The following CTNNA2 variants were observed in gnomAD, a reference collection of about 807,000 sequenced individuals.
CTNNA2 encodes catenin alpha-2.
In CTNNA2, 42 loss-of-function variants were observed where a neutral mutation model predicts 101.0. The observed-to-expected ratio is 0.42, with a 90% CI of 0.32 to 0.54. The LOEUF is 0.54. Among genes scored for constraint, CTNNA2 ranks in the 20% least tolerant of loss-of-function variants. The probability of loss-of-function intolerance (pLI) is 0.14; values close to 1 mark genes in which losing one functional copy is unlikely to be tolerated. For missense variants in CTNNA2, 871 were observed against 1,223.1 expected (o/e 0.71, Z 4.29); for synonymous variants, 450 against 456.4 (o/e 0.99, Z 0.18).
At chr2:80,015,120 G>C (rs1437098944) in intron 7 of CTNNA2, among the ~76,000 whole-genome samples, 1 of 152,118 alleles carries the variant, frequency 6.6e-6, no homozygotes, top group Non-Finnish European at 1.5e-5. Context: ...CATGCTTTCT[G>C]GCTGGTTTAT....
intron 7 of CTNNA2, among the ~76,000 whole-genome samples, chr2:80,370,182 G>A (rs1167451525): frequency 1.3e-5 from 2 of 152,040 alleles, no homozygotes; most frequent in African/African-American, 4.8e-5. Context: ...GAGTGAAAGA[G>A]GTAGGAGAAC....
chr2:80,041,515 A>G (rs1490934720), intron 7 of CTNNA2, among the ~76,000 whole-genome samples: 1 of 152,288 alleles, frequency 6.6e-6, no homozygotes, highest in East Asian at 1.9e-4. Context: ...CTGCTTGTAT[A>G]TAAAGACACT....
chr2:80,332,830 T>C (rs1671451629), intron 7 of CTNNA2, among the ~76,000 whole-genome samples: 2 of 152,180 alleles, frequency 1.3e-5, no homozygotes, highest in South Asian at 4.1e-4. Context: ...ATGAATATAC[T>C]GGTCCAGGGT....
intron 7 of CTNNA2, among the ~76,000 whole-genome samples, chr2:80,089,896 G>T (rs962984462): frequency 2.1e-4 from 32 of 151,992 alleles, no homozygotes; most frequent in Admixed American, 1.1e-3. Context: ...CCAAGCTGGA[G>T]GACTTTCATT....
intron 7 of CTNNA2, among the ~76,000 whole-genome samples, chr2:80,352,218 G>A (rs1053196848): frequency 5.9e-5 from 9 of 152,076 alleles, no homozygotes; most frequent in Non-Finnish European, 1.0e-4. Context: ...AGTAAGTCAA[G>A]GCTGAGCTAA....
intron 7 of CTNNA2, among the ~76,000 whole-genome samples, chr2:80,273,803 C>T (rs563647274): frequency 6.6e-6 from 1 of 152,014 alleles, no homozygotes; most frequent in Non-Finnish European, 1.5e-5. Context: ...CAATTGCAGT[C>T]CTCCTCTACT....
intron 1 of CTNNA2, among the ~76,000 whole-genome samples, chr2:79,188,047 G>C (rs1430926515): frequency 6.6e-6 from 1 of 152,134 alleles, no homozygotes; most frequent in Non-Finnish European, 1.5e-5. Flanking sequence ...GAGTCCAAAA[G>C]AGATTTTAAA....
At chr2:79,217,016 G>T (rs1283706440) in intron 2 of CTNNA2, among the ~76,000 whole-genome samples, 2 of 152,270 alleles carry the variant, frequency 1.3e-5, no homozygotes, top group East Asian at 1.9e-4. Flanking sequence ...TGGATAAAAC[G>T]TGTCTCCTTT....
At chr2:79,425,113 TA>T (rs1282471544) in intron 4 of CTNNA2, among the ~76,000 whole-genome samples, 6 of 152,016 alleles carry the variant, frequency 3.9e-5, no homozygotes, top group African/African-American at 9.7e-5. Flanking sequence ...GTAAAGGCAA[TA>T]AAAAATCCTG....
chr2:80,430,254 T>C (rs1023557588), intron 9 of CTNNA2, among the ~76,000 whole-genome samples: 11 of 152,196 alleles, frequency 7.2e-5, no homozygotes, highest in Non-Finnish European at 1.6e-4. Context: ...TTAACTATGT[T>C]GTCCCTACCT....
intron 6 of CTNNA2, among the ~76,000 whole-genome samples, chr2:79,900,225 A>C (rs1684985645): frequency 6.6e-6 from 1 of 152,062 alleles, no homozygotes; most frequent in Non-Finnish European, 1.5e-5. Context: ...TAGGCATTTT[A>C]ATGGGAAACT....
At chr2:79,957,570 C>A (rs2104517309) in intron 7 of CTNNA2, among the ~76,000 whole-genome samples, 1 of 152,284 alleles carries the variant, frequency 6.6e-6, no homozygotes, top group East Asian at 1.9e-4. Flanking sequence ...CTCTTCAGGG[C>A]CAGGAGTAAT....
intron 7 of CTNNA2, among the ~76,000 whole-genome samples, chr2:80,021,091 C>T (rs1016077958): frequency 2.1e-5 from 3 of 144,456 alleles, no homozygotes; most frequent in Non-Finnish European, 4.5e-5. Flanking sequence ...ATGATCGTGG[C>T]TCACTGCAAC....
chr2:79,351,679 G>C (rs1168106083), intron 3 of CTNNA2, among the ~76,000 whole-genome samples: 5 of 152,166 alleles, frequency 3.3e-5, no homozygotes, highest in Middle Eastern at 3.4e-3. Flanking sequence ...CTTGAGAACA[G>C]GTGGTATTTG....
At chr2:79,272,464 A>G (rs1358630569) in intron 2 of CTNNA2, among the ~76,000 whole-genome samples, 6 of 152,118 alleles carry the variant, frequency 3.9e-5, no homozygotes, top group Admixed American at 3.3e-4. Context: ...TTCCTAGCTT[A>G]GATTGTCTTC....
At chr2:80,013,516 C>T (rs957101374) in intron 7 of CTNNA2, among the ~76,000 whole-genome samples, 6 of 152,182 alleles carry the variant, frequency 3.9e-5, no homozygotes, top group African/African-American at 1.4e-4. Context: ...TGAACTTACA[C>T]TAACCTGCTT....
intron 7 of CTNNA2, among the ~76,000 whole-genome samples, chr2:80,134,318 A>G (rs1051690420): frequency 1.3e-5 from 2 of 152,068 alleles, no homozygotes; most frequent in African/African-American, 4.8e-5. Flanking sequence ...TGGAGGGAGG[A>G]GGCAGGGATG....
At chr2:79,748,594 A>T (rs1035555960) in intron 3 of CTNNA2, among the ~76,000 whole-genome samples, 5 of 152,114 alleles carry the variant, frequency 3.3e-5, no homozygotes, top group African/African-American at 7.2e-5. Flanking sequence ...CAGATTTTTA[A>T]TATAGAACTG....
chr2:80,117,059 G>T (rs1701565674), intron 7 of CTNNA2, among the ~76,000 whole-genome samples: 1 of 152,058 alleles, frequency 6.6e-6, no homozygotes, highest in South Asian at 2.1e-4. Flanking sequence ...TCAAAATACT[G>T]CTCAAATTCA....
Sources: allele counts gnomAD v4.1 joint callset (sites outside exome capture counted in the v4.1 genomes callset), GRCh38; gene constraint gnomAD v4.1.1; transcripts MANE v1.5; gene names NCBI Gene and HGNC (gene_info 2026-07-23, HGNC 2026-07-21).